Variants in MAD1L1 observed in about 807,000 individuals in gnomAD.
The protein encoded by MAD1L1 is mitotic spindle assembly checkpoint protein MAD1.
A neutral mutation model predicts 96.9 loss-of-function variants in MAD1L1; 95 were observed. The observed-to-expected ratio is 0.98, with a 90% CI of 0.83 to 1.16. MAD1L1 has a LOEUF of 1.16. Among genes scored for constraint, MAD1L1 ranks in the 50% most tolerant of loss-of-function variants. The probability of loss-of-function intolerance (pLI) is 0.00; values close to 1 mark genes in which losing one functional copy is unlikely to be tolerated. For missense variants in MAD1L1, 1,007 were observed against 954.4 expected, an observed-to-expected ratio of 1.06 and a Z score of -0.73; for synonymous variants, 473 against 396.6, an observed-to-expected ratio of 1.19 and a Z score of -2.29.
intron 10 of MAD1L1, among the ~76,000 whole-genome samples, chr7:2,165,924 G>A (rs1166141495): frequency 6.6e-6 from 1 of 152,188 alleles, no homozygotes; most frequent in Non-Finnish European, 1.5e-5. Context: ...GGGTACACCT[G>A]TGCCTGGAAC....
At chr7:2,085,945 C>T (rs1219555180) in intron 11 of MAD1L1, among the ~76,000 whole-genome samples, 3 of 152,232 alleles carry the variant, frequency 2.0e-5, no homozygotes, top group African/African-American at 7.2e-5. Flanking sequence ...GCGCCGACTG[C>T]CCACTCCCGC....
intron 10 of MAD1L1, among the ~76,000 whole-genome samples, chr7:2,161,149 G>T (rs1790096119): frequency 1.1e-3 from 1 of 920 alleles, no homozygotes; most frequent in African/African-American, 3.4e-3. Context: ...GTCTCCCTCT[G>T]ATGCCGAGCC....
At chr7:1,881,542 A>C (rs1785680988) in intron 18 of MAD1L1, among the ~76,000 whole-genome samples, 1 of 152,248 alleles carries the variant, frequency 6.6e-6, no homozygotes, top group Non-Finnish European at 1.5e-5. Context: ...AAATAAAAAG[A>C]GGAGCTGGCT....
chr7:2,046,064 G>A (rs1783904820), intron 12 of MAD1L1, among the ~76,000 whole-genome samples: 1 of 152,102 alleles, frequency 6.6e-6, no homozygotes, highest in African/African-American at 2.4e-5. Flanking sequence ...TGGCCACCTC[G>A]GCTGCCTCTA....
At chr7:1,833,891 T>C (rs1782822161) in intron 18 of MAD1L1, among the ~76,000 whole-genome samples, 1 of 152,212 alleles carries the variant, frequency 6.6e-6, no homozygotes, top group African/African-American at 2.4e-5. Context: ...GAGGTTGCAG[T>C]GAGCTGAGAT....
rs924742302 is a variant in MAD1L1 at position 2,114,328 on chromosome 7, A to G, written c.1073+34824T>C. On this transcript the variant is annotated intron_variant, in intron 11 of 18. Transcript: ENST00000265854. The surrounding 1 kb of genome is among the most constrained non-coding windows in gnomAD (Gnocchi z 4.2). ...GAGCCCTGAGCCAGCCCACGGTCTG[A>G]GCAGGGAACCAGGGGGCCTTCCCTA... 6.6e-6 allele frequency among the ~76,000 whole-genome samples: 1 copy of G among 152,222 alleles called. No individual in the cohort carries two copies. Among genetic ancestry groups the G allele is most frequent in the Non-Finnish European group, 1.5e-5 (1 of 68,046 alleles).
chr7:1,971,618 T>C (rs1780411200), intron 15 of MAD1L1, among the ~76,000 whole-genome samples: 1 of 152,160 alleles, frequency 6.6e-6, no homozygotes, highest in South Asian at 2.1e-4. Flanking sequence ...TGCACTTAAG[T>C]GTAATCTCTC....
At position 2,086,766 on chromosome 7, in the gene MAD1L1, G is replaced by A. The variant is rs575869342; in HGVS notation, c.1074-17428C>T. Reference sequence around the variant, plus strand: ...GACAGGGTTTCACTGTGTTGGCCAGGCTGGTCTCGAACTCTTGACCTCAGT... The same window carrying A: ...GACAGGGTTTCACTGTGTTGGCCAGACTGGTCTCGAACTCTTGACCTCAGT... On this transcript the variant is annotated intron_variant, in intron 11 of 18. Coordinates refer to ENST00000265854, the MANE Select transcript of MAD1L1 (RefSeq NM_001013836.2). Among the ~76,000 whole-genome samples the A allele has an allele frequency of 2.6e-5, 4 of 152,280 alleles. No homozygotes were observed. In the South Asian group the frequency reaches 8.3e-4, roughly 32 times the overall value.
At chr7:1,846,201 G>C (rs1436151738) in intron 18 of MAD1L1, 3 of 152,686 alleles carry the variant, frequency 2.0e-5, no homozygotes, top group Middle Eastern at 3.4e-3. Context: ...TGCCCTTCCC[G>C]CAGGGCCAGG....
chr7:1,962,960 T>TA (rs1163671089), intron 15 of MAD1L1, among the ~76,000 whole-genome samples: 1 of 151,714 alleles, frequency 6.6e-6, no homozygotes, highest in African/African-American at 2.4e-5. Flanking sequence ...AAGAAACATT[T>TA]AAAAAAATAA....
chr7:1,841,485 C>G (rs1783253818), intron 18 of MAD1L1, among the ~76,000 whole-genome samples: 1 of 152,362 alleles, frequency 6.6e-6, no homozygotes, highest in East Asian at 1.9e-4. Flanking sequence ...ACGGAACCGG[C>G]TGCTGAGCCT....
Position 1,816,044 on chromosome 7 carries a change from T to C in MAD1L1, c.*26A>G. 1 of 1,589,242 alleles carries C rather than the reference T, an allele frequency of 6.3e-7. No homozygotes were observed. ...TGCAGGTCAGGCCAAGCAGAGTGGCTCCGGCTATGCCCCCGAGCCTGCAGG... is the reference window on the plus strand; with the variant it reads ...TGCAGGTCAGGCCAAGCAGAGTGGCCCCGGCTATGCCCCCGAGCCTGCAGG... On this transcript the variant is annotated 3_prime_UTR_variant, in exon 19 of 19. Transcript: ENST00000265854.
chr7:2,076,698 C>A (rs10254998), intron 11 of MAD1L1, among the ~76,000 whole-genome samples: 6,995 of 151,272 alleles, frequency 0.046, 260 homozygotes, highest in African/African-American at 0.096. Context: ...TATGACACAG[C>A]GAGCACATGG....
chr7:2,220,354 C>G (rs1793533112), intron 5 of MAD1L1, among the ~76,000 whole-genome samples: 1 of 152,206 alleles, frequency 6.6e-6, no homozygotes, highest in African/African-American at 2.4e-5. Flanking sequence ...TCCTCCTGAC[C>G]ACTCCCACCA....
At position 2,213,249 on chromosome 7, in the gene MAD1L1, A is replaced by G; in HGVS notation, c.949T>C (p.Trp317Arg). 1 of 1,614,150 alleles carries G rather than the reference A, an allele frequency of 6.2e-7. No individual in the cohort carries two copies. Among genetic ancestry groups the G allele is most frequent in the Non-Finnish European group, 8.5e-7 (1 of 1,180,020 alleles). ...CCCATGGTCTGGTCCAGTCTCTCCC[A>G]GCTTTGCAGCTTGGCCAGCAGCCTC... ...NERLLAKLQS[W>R]ERLDQTMGLS... is the part of the protein sequence containing the mutation. The change falls in exon 10 of 19, where the codon TGG becomes CGG. Residue 317 changes from tryptophan to arginine, a missense_variant. Transcript: ENST00000265854.
chr7:1,855,876 G>A (rs1027086582), intron 18 of MAD1L1, among the ~76,000 whole-genome samples: 6 of 152,126 alleles, frequency 3.9e-5, no homozygotes, highest in African/African-American at 1.2e-4. Flanking sequence ...GTCTCTTTGC[G>A]TCCAGCTGCT....
intron 12 of MAD1L1, among the ~76,000 whole-genome samples, chr7:2,060,754 C>A (rs1024902754): frequency 1.3e-5 from 2 of 152,228 alleles, no homozygotes; most frequent in African/African-American, 4.8e-5. Flanking sequence ...AGATCAACAG[C>A]ATGTTTCACA....
rs560205897 is a variant in MAD1L1, at chr7:2,193,083, G to A, written c.986+20129C>T. Among the ~76,000 whole-genome samples, 53 of 152,238 alleles carry A rather than the reference G, an allele frequency of 3.5e-4. 1 individual carries two copies. The highest frequency in any genetic ancestry group is 3.0e-3 in the Admixed American group (46 of 15,292). The stretch of plus-strand genomic sequence containing the variant: ...AACTCCTCACAGTACAAATAGACCC[G>A]GAGCTCAGCACTCGTGGAGGAGGGT... On this transcript the variant is annotated intron_variant, in intron 10 of 18. Transcript: ENST00000265854.
At chr7:2,170,539 A>G (rs1473184610) in intron 10 of MAD1L1, among the ~76,000 whole-genome samples, 1 of 152,128 alleles carries the variant, frequency 6.6e-6, no homozygotes, top group Non-Finnish European at 1.5e-5. Flanking sequence ...AGCCACATGG[A>G]GACATGAGGA....
Sources: gnomAD v4.1 joint callset for allele counts (sites outside exome capture counted in the v4.1 genomes callset) on GRCh38, gnomAD v4.1.1 for gene constraint, Gnocchi (gnomAD v3.1) non-coding constraint, MANE v1.5 for transcripts, NCBI Gene and HGNC (gene_info 2026-07-23, HGNC 2026-07-21) for gene names.